LPAR1: variants seen among roughly 807,000 people sequenced by gnomAD.
LPAR1 encodes LPA receptor 1.
A neutral mutation model predicts 23.8 loss-of-function variants in LPAR1; 5 were observed. The ratio of observed to expected loss-of-function variants is 0.21; its 90% CI spans 0.11 to 0.44. The LOEUF is 0.44. Among genes scored for constraint, LPAR1 ranks in the 20% least tolerant of loss-of-function variants. LPAR1 has a pLI of 0.99. For synonymous variants in LPAR1, 160 were observed against 164.7 expected (o/e 0.97, Z 0.22); for missense variants, 311 against 482.8 (o/e 0.64, Z 3.33).
intron 2 of LPAR1, among the ~76,000 whole-genome samples, chr9:111,013,006 A>T (rs1459940032): frequency 6.9e-6 from 1 of 145,936 alleles, no homozygotes; most frequent in East Asian, 1.9e-4. Flanking sequence ...GATTTAGAAA[A>T]TGTTCTCCCC....
intron 5 of LPAR1, among the ~76,000 whole-genome samples, chr9:110,909,725 T>C (rs1311625263): frequency 1.4e-5 from 2 of 146,466 alleles, no homozygotes. Context: ...ATTTATTAAA[T>C]AAAGTATTTA....
intron 2 of LPAR1, among the ~76,000 whole-genome samples, chr9:111,018,562 G>A (rs546296813): frequency 6.6e-6 from 1 of 152,086 alleles, no homozygotes; most frequent in South Asian, 2.1e-4. Context: ...ATTCCAACTA[G>A]ATAAAATTTA....
rs1370236360 is a variant in LPAR1, at chr9:110,941,098, A to G, written c.793+323T>C. 6.6e-6 allele frequency among the ~76,000 whole-genome samples: 1 copy of G among 152,164 alleles called. No individual in the cohort carries two copies. The highest frequency in any genetic ancestry group is 1.5e-5 in the Non-Finnish European group (1 of 68,040). ...GAAACCACAATGCAAAAGTTTCACA[A>G]TTTAGGCTGTAAGAAAAATGAATGA... is the stretch of plus-strand genomic sequence containing the variant. On this transcript the variant is annotated intron_variant, in intron 5 of 5. Transcript: ENST00000683809. This position sits in a 1 kb window ranked among gnomAD's most constrained non-coding sequence, Gnocchi z 6.1.
At chr9:110,925,034 A>C (rs187937352) in intron 5 of LPAR1, among the ~76,000 whole-genome samples, 1 of 152,062 alleles carries the variant, frequency 6.6e-6, no homozygotes, top group Non-Finnish European at 1.5e-5. Context: ...CCTGTATTTT[A>C]GTCATATTTG....
intron 5 of LPAR1, among the ~76,000 whole-genome samples, chr9:110,923,606 G>A (rs556672941): frequency 1.3e-5 from 2 of 152,288 alleles, no homozygotes; most frequent in South Asian, 2.1e-4. Flanking sequence ...TTCAATTTAC[G>A]ATGGATTTAT....
rs2096849019 is a variant in LPAR1, at chr9:110,989,182, C to T, written c.-181-15624G>A. ...ATGAGGTTTCTCTTGGAATGATAAA[C>T]ATTTTCTGAGCTTGATTGGAGTGAT... On this transcript the variant is annotated intron_variant, in intron 2 of 5. Coordinates refer to ENST00000683809, the MANE Select transcript of LPAR1 (RefSeq NM_001351411.2). Among the ~76,000 whole-genome samples, 3 of 152,092 alleles carry T rather than the reference C, an allele frequency of 2.0e-5. No individual in the cohort carries two copies. The South Asian group carries it at 6.2e-4, about 31-fold the overall frequency.
intron 5 of LPAR1, among the ~76,000 whole-genome samples, chr9:110,891,513 G>A (rs2084166318): frequency 6.6e-6 from 1 of 152,172 alleles, no homozygotes; most frequent in Middle Eastern, 3.2e-3. Flanking sequence ...GGTACTAGCA[G>A]GAGGATAAAC....
intron 2 of LPAR1, among the ~76,000 whole-genome samples, chr9:111,021,718 T>C (rs2097563371): frequency 1.3e-5 from 2 of 152,146 alleles, no homozygotes; most frequent in Non-Finnish European, 2.9e-5. Flanking sequence ...CCCAACACTT[T>C]GGGAGGCCCA....
chr9:110,892,985 C>G (rs1007487306), intron 5 of LPAR1, among the ~76,000 whole-genome samples: 63 of 152,184 alleles, frequency 4.1e-4, no homozygotes, highest in African/African-American at 1.4e-3. Context: ...TCTGTTGATC[C>G]AGGGATGAAA....
chr9:110,942,647 T>C (rs887095918), intron 4 of LPAR1, among the ~76,000 whole-genome samples: 2 of 152,234 alleles, frequency 1.3e-5, no homozygotes, highest in African/African-American at 4.8e-5. Flanking sequence ...ACAGACATTT[T>C]GTAATGCAGG....
At chr9:111,034,462 C>T (rs77118353) in intron 2 of LPAR1, among the ~76,000 whole-genome samples, 41,283 of 152,104 alleles carry the variant, frequency 0.27, 5,838 homozygotes, top group Non-Finnish European at 0.31. Context: ...TTCAACCCCA[C>T]ATGTTCAAAA....
At chr9:111,012,830 AG>A (rs2097359782) in intron 2 of LPAR1, among the ~76,000 whole-genome samples, 1 of 152,166 alleles carries the variant, frequency 6.6e-6, no homozygotes, top group African/African-American at 2.4e-5. Context: ...GGAAAGAGAA[AG>A]GAGAGGAAGA....
At position 110,898,712 on chromosome 9, in the gene LPAR1, T is replaced by A. The variant is rs561340693; in HGVS notation, c.794-22990A>T. 2.6e-4 allele frequency among the ~76,000 whole-genome samples: 39 copies of A among 152,334 alleles called. No individual in the cohort carries two copies. In the South Asian group the frequency reaches 4.1e-3, roughly 16 times the overall value. ...ACTTCTCTAGGCCTCAAATTCCTCATCTACAAAATGAAGGAGATCACTTAC... is the reference window on the plus strand; with the variant it reads ...ACTTCTCTAGGCCTCAAATTCCTCAACTACAAAATGAAGGAGATCACTTAC... On this transcript the variant is annotated intron_variant, in intron 5 of 5. Transcript: ENST00000683809.
chr9:110,892,428 G>A (rs2084530732), intron 5 of LPAR1, among the ~76,000 whole-genome samples: 1 of 152,118 alleles, frequency 6.6e-6, no homozygotes, highest in South Asian at 2.1e-4. Context: ...CACTTTGGGA[G>A]GCCGAGGCAG....
intron 5 of LPAR1, among the ~76,000 whole-genome samples, chr9:110,895,042 T>C (rs1811656034): frequency 6.6e-6 from 1 of 152,038 alleles, no homozygotes; most frequent in African/African-American, 2.4e-5. Flanking sequence ...GAATATAAAA[T>C]GAATATTTGC....
At chr9:111,024,719 G>A (rs1361356613) in intron 2 of LPAR1, among the ~76,000 whole-genome samples, 2 of 150,462 alleles carry the variant, frequency 1.3e-5, no homozygotes, top group Non-Finnish European at 3.0e-5. Flanking sequence ...CCCCCCAACA[G>A]GTCCCAGTGG....
At chr9:110,930,618 C>A (rs943971645) in intron 5 of LPAR1, among the ~76,000 whole-genome samples, 1 of 152,040 alleles carries the variant, frequency 6.6e-6, no homozygotes, top group Non-Finnish European at 1.5e-5. Context: ...AAATTGCTAT[C>A]TCTAGTCAAT....
intron 2 of LPAR1, among the ~76,000 whole-genome samples, chr9:110,975,846 T>C (rs1180051461): frequency 6.6e-6 from 1 of 152,216 alleles, no homozygotes; most frequent in Non-Finnish European, 1.5e-5. Flanking sequence ...TCCTAAAACA[T>C]GCGACACGTC....
chr9:111,005,981 T>A (rs563973414), intron 2 of LPAR1, among the ~76,000 whole-genome samples: 3 of 152,204 alleles, frequency 2.0e-5, no homozygotes, highest in Admixed American at 2.0e-4. Flanking sequence ...TGCTGGACTT[T>A]GAGCTTCCTG....
Sources: gnomAD v4.1 joint callset for allele counts (sites outside exome capture counted in the v4.1 genomes callset) on GRCh38, gnomAD v4.1.1 for gene constraint, Gnocchi (gnomAD v3.1) non-coding constraint, MANE v1.5 for transcripts, NCBI Gene and HGNC (gene_info 2026-07-23, HGNC 2026-07-21) for gene names.